Variants in KCNIP4 observed in about 807,000 individuals in gnomAD.
KCNIP4 encodes potassium voltage-gated channel interacting protein 4, also known as Kv channel-interacting protein 4.
A neutral mutation model predicts 34.0 loss-of-function variants in KCNIP4; 12 were observed. The observed-to-expected ratio is 0.35, with a 90% CI of 0.23 to 0.57. The LOEUF (loss-of-function observed/expected upper bound fraction) is 0.57, where lower values mean the gene tolerates loss of function less well. KCNIP4 is among the 20% of genes least tolerant of loss of function. The pLI is 0.83. For missense variants in KCNIP4, 238 were observed against 311.7 expected (o/e 0.76, Z 1.78); for synonymous variants, 124 against 102.2 (o/e 1.21, Z -1.29).
Position 20,779,585 on chromosome 4 carries a change from C to G in KCNIP4, c.289-20695G>C, listed in dbSNP as rs1463443225. Among the ~76,000 whole-genome samples, 57 of 134,618 alleles carry G rather than the reference C, an allele frequency of 4.2e-4. 1 individual carries two copies. The highest frequency in any genetic ancestry group is 9.7e-5 in the Non-Finnish European group (6 of 61,578). 88.3% of individuals were successfully genotyped at this position (134,618 alleles called of 152,430 possible). A position where few individuals can be genotyped will look rare whatever the true frequency, so the allele number is the denominator to read the frequency against. On this transcript the variant is annotated intron_variant, in intron 3 of 8. Transcript: ENST00000382152. The stretch of plus-strand genomic sequence containing the variant: ...TCCCCCCTGCCCCACAACCCCCCCC[C>G]CCCACACAAAAAAGAAATGAAAACA...
At chr4:21,371,396 A>T (rs1216572781) in intron 1 of KCNIP4, among the ~76,000 whole-genome samples, 1 of 146,472 alleles carries the variant, frequency 6.8e-6, no homozygotes, top group Non-Finnish European at 1.5e-5. Flanking sequence ...GTGCTGGCAG[A>T]CACCTCTGGG....
At chr4:21,594,103 C>T (rs754621628) in intron 1 of KCNIP4, among the ~76,000 whole-genome samples, 2 of 152,032 alleles carry the variant, frequency 1.3e-5, no homozygotes, top group African/African-American at 2.4e-5. Context: ...AGATACAATA[C>T]CAAATTTCTT....
chr4:21,123,021 T>C (rs369721607), intron 1 of KCNIP4, among the ~76,000 whole-genome samples: 42 of 152,066 alleles, frequency 2.8e-4, no homozygotes, highest in East Asian at 5.8e-4. Context: ...CCATCCTGGC[T>C]AACATGGTGA....
chr4:21,735,623 G>GTTTTT (rs968984514), intron 1 of KCNIP4, among the ~76,000 whole-genome samples: 1 of 152,056 alleles, frequency 6.6e-6, no homozygotes, highest in Non-Finnish European at 1.5e-5. Flanking sequence ...TTTTGTTTTT[G>GTTTTT]TTTTTGTTTT....
chr4:21,327,095 A>ATTC (rs1185684256), intron 1 of KCNIP4, among the ~76,000 whole-genome samples: 1 of 151,964 alleles, frequency 6.6e-6, no homozygotes, highest in African/African-American at 2.4e-5. Context: ...GATTACAGTG[A>ATTC]TATAATATTC....
At chr4:21,110,830 G>C (rs994588268) in intron 1 of KCNIP4, among the ~76,000 whole-genome samples, 3 of 152,110 alleles carry the variant, frequency 2.0e-5, no homozygotes, top group Non-Finnish European at 4.4e-5. Context: ...CTGAATCTTC[G>C]AGTGTCTCAA....
intron 1 of KCNIP4, among the ~76,000 whole-genome samples, chr4:21,824,660 G>A (rs11942219): frequency 0.48 from 73,318 of 151,972 alleles, 18,257 homozygotes; most frequent in African/African-American, 0.54. Flanking sequence ...TGTTCAGAGA[G>A]TCTTATTTGA....
At chr4:21,818,968 A>G (rs1722158414) in intron 1 of KCNIP4, among the ~76,000 whole-genome samples, 1 of 152,206 alleles carries the variant, frequency 6.6e-6, no homozygotes, top group African/African-American at 2.4e-5. Flanking sequence ...TGCAAAAGAC[A>G]TCACATCCTT....
intron 1 of KCNIP4, among the ~76,000 whole-genome samples, chr4:21,384,059 C>T (rs1441849220): frequency 6.6e-6 from 1 of 152,078 alleles, no homozygotes; most frequent in Non-Finnish European, 1.5e-5. Flanking sequence ...TACCTCACAG[C>T]CTTGTACTTG....
chr4:20,834,289 A>G (rs1718779012), intron 3 of KCNIP4, among the ~76,000 whole-genome samples: 1 of 152,184 alleles, frequency 6.6e-6, no homozygotes, highest in Non-Finnish European at 1.5e-5. Flanking sequence ...GGTGTCTTGA[A>G]TACATTTACT....
At chr4:21,290,620 G>GAAT (rs987801801) in intron 1 of KCNIP4, among the ~76,000 whole-genome samples, 3 of 152,192 alleles carry the variant, frequency 2.0e-5, no homozygotes, top group Non-Finnish European at 4.4e-5. Context: ...GACTTGTGGT[G>GAAT]AATAGATGGG....
chr4:21,874,591 G>C (rs913321734), intron 1 of KCNIP4, among the ~76,000 whole-genome samples: 4 of 152,110 alleles, frequency 2.6e-5, no homozygotes, highest in Non-Finnish European at 5.9e-5. Flanking sequence ...TCTGGAAAAG[G>C]CTTCTTCCCC....
intron 3 of KCNIP4, among the ~76,000 whole-genome samples, chr4:20,806,345 T>G (rs974877049): frequency 6.6e-6 from 1 of 152,018 alleles, no homozygotes; most frequent in Non-Finnish European, 1.5e-5. Flanking sequence ...CTTGTGTGCT[T>G]TTTTATTTCT....
intron 1 of KCNIP4, among the ~76,000 whole-genome samples, chr4:21,440,943 G>T (rs1302176804): frequency 6.6e-6 from 1 of 151,892 alleles, no homozygotes; most frequent in African/African-American, 2.4e-5. Context: ...TTTTTTCCAA[G>T]ACCTTGAAGG....
chr4:21,832,433 A>C (rs1230739446), intron 1 of KCNIP4, among the ~76,000 whole-genome samples: 2 of 152,156 alleles, frequency 1.3e-5, no homozygotes, highest in Non-Finnish European at 2.9e-5. Context: ...ACCCAGTACT[A>C]TATGGAAAGA....
At chr4:20,751,279 A>G (rs1753570736) in intron 4 of KCNIP4, among the ~76,000 whole-genome samples, 1 of 152,240 alleles carries the variant, frequency 6.6e-6, no homozygotes, top group Non-Finnish European at 1.5e-5. Context: ...ACACTGTGAC[A>G]TCTAGAGTGG....
At chr4:20,991,618 C>T (rs1441961961) in intron 1 of KCNIP4, among the ~76,000 whole-genome samples, 1 of 152,132 alleles carries the variant, frequency 6.6e-6, no homozygotes, top group East Asian at 1.9e-4. Flanking sequence ...GATCAAGGGG[C>T]TATTTCTCCT....
intron 1 of KCNIP4, among the ~76,000 whole-genome samples, chr4:21,439,797 G>C (rs899492857): frequency 6.6e-6 from 1 of 152,196 alleles, no homozygotes; most frequent in Non-Finnish European, 1.5e-5. Flanking sequence ...ACTGAAACAT[G>C]TCATTAGCTT....
At chr4:21,503,789 A>G (rs960393455) in intron 1 of KCNIP4, among the ~76,000 whole-genome samples, 9 of 152,198 alleles carry the variant, frequency 5.9e-5, no homozygotes, top group African/African-American at 2.2e-4. Flanking sequence ...ATGAAATCAG[A>G]TGGAGTGAAC....
Sources: gnomAD v4.1 joint callset for allele counts (sites outside exome capture counted in the v4.1 genomes callset) on GRCh38, gnomAD v4.1.1 for gene constraint, MANE v1.5 for transcripts, NCBI Gene and HGNC (gene_info 2026-07-23, HGNC 2026-07-21) for gene names.